Variants in PRKG1 observed in about 807,000 individuals in gnomAD.
PRKG1 encodes protein kinase cGMP-dependent 1.
A neutral mutation model predicts 88.1 loss-of-function variants in PRKG1; 35 were observed. The observed-to-expected ratio is 0.40, with a 90% CI of 0.30 to 0.53. The LOEUF is 0.53. Among genes scored for constraint, PRKG1 ranks in the 20% least tolerant of loss-of-function variants. PRKG1 has a pLI of 0.59. For synonymous variants in PRKG1, 303 were observed against 292.5 expected (o/e 1.04, Z -0.37); for missense variants, 540 against 839.8 (o/e 0.64, Z 4.41).
intron 5 of PRKG1, among the ~76,000 whole-genome samples, chr10:52,053,146 G>A (rs1846030288): frequency 6.6e-6 from 1 of 152,112 alleles, no homozygotes; most frequent in African/African-American, 2.4e-5. Context: ...GTTGTTAAAA[G>A]CATGGAAAGA....
intron 5 of PRKG1, among the ~76,000 whole-genome samples, chr10:51,991,585 C>A (rs147122267): frequency 1.3e-5 from 2 of 152,046 alleles, no homozygotes; most frequent in Non-Finnish European, 2.9e-5. Context: ...CTGGGTCCAA[C>A]GGTTCTCATT....
intron 2 of PRKG1, among the ~76,000 whole-genome samples, chr10:51,296,168 A>G (rs1840715931): frequency 6.6e-6 from 1 of 152,124 alleles, no homozygotes; most frequent in Non-Finnish European, 1.5e-5. Context: ...GGTTTTGATC[A>G]GGATGGTCCT....
chr10:52,139,057 G>C (rs555656178), intron 8 of PRKG1, among the ~76,000 whole-genome samples: 1 of 152,162 alleles, frequency 6.6e-6, no homozygotes, highest in East Asian at 1.9e-4. Context: ...CCAGACTGGA[G>C]CCTAAGTATT....
chr10:51,151,764 A>G (rs1401644197), intron 1 of PRKG1, among the ~76,000 whole-genome samples: 1 of 151,954 alleles, frequency 6.6e-6, no homozygotes, highest in East Asian at 1.9e-4. Flanking sequence ...AATTGTTTTT[A>G]TTTTTATGTG....
At chr10:51,991,255 T>C (rs916991171) in intron 5 of PRKG1, among the ~76,000 whole-genome samples, 2 of 152,148 alleles carry the variant, frequency 1.3e-5, no homozygotes, top group Non-Finnish European at 2.9e-5. Flanking sequence ...GGGTTTTCAA[T>C]ATGTAAGATT....
At chr10:52,075,753 C>T (rs1237384808) in intron 7 of PRKG1, among the ~76,000 whole-genome samples, 1 of 152,178 alleles carries the variant, frequency 6.6e-6, no homozygotes, top group African/African-American at 2.4e-5. Flanking sequence ...TGATTGCCCT[C>T]TCCCTGGCTT....
At chr10:51,712,353 C>G (rs577259649) in intron 3 of PRKG1, among the ~76,000 whole-genome samples, 6 of 152,060 alleles carry the variant, frequency 3.9e-5, no homozygotes, top group Non-Finnish European at 7.4e-5. Context: ...AAAGAAAGGT[C>G]CAGAGAAGGT....
chr10:52,253,685 T>C (rs1841238556), intron 10 of PRKG1, among the ~76,000 whole-genome samples: 1 of 151,884 alleles, frequency 6.6e-6, no homozygotes, highest in Admixed American at 6.6e-5. Flanking sequence ...AGCCTAATTT[T>C]CCTCTCATGG....
At chr10:51,308,008 C>A (rs1841082631) in intron 2 of PRKG1, among the ~76,000 whole-genome samples, 1 of 151,988 alleles carries the variant, frequency 6.6e-6, no homozygotes, top group Admixed American at 6.6e-5. Flanking sequence ...CCTCTTAAAT[C>A]AAATAAAAGT....
intron 3 of PRKG1, among the ~76,000 whole-genome samples, chr10:51,560,700 A>G (rs1030605749): frequency 6.6e-6 from 1 of 152,062 alleles, no homozygotes; most frequent in African/African-American, 2.4e-5. Context: ...AATATTTTAT[A>G]TATAATTAAT....
chr10:51,066,946 T>C (rs573329929), intron 1 of PRKG1, among the ~76,000 whole-genome samples: 5 of 152,208 alleles, frequency 3.3e-5, no homozygotes, highest in African/African-American at 7.2e-5. Flanking sequence ...GACACTCCTC[T>C]TAGAACAACA....
At chr10:51,525,851 A>G (rs1841871189) in intron 3 of PRKG1, among the ~76,000 whole-genome samples, 1 of 150,346 alleles carries the variant, frequency 6.7e-6, no homozygotes. Context: ...TTTGAGATGC[A>G]GTCTCATTCT....
chr10:51,727,050 A>T (rs1272425689), intron 3 of PRKG1, among the ~76,000 whole-genome samples: 1 of 151,984 alleles, frequency 6.6e-6, no homozygotes, highest in Admixed American at 6.6e-5. Context: ...AAGTGCTGGG[A>T]TTACAGGTAT....
chr10:51,948,547 TGC>T (rs201088206), intron 5 of PRKG1, among the ~76,000 whole-genome samples: 10,434 of 68,904 alleles, frequency 0.15, 957 homozygotes, highest in African/African-American at 0.45. Flanking sequence ...TGTGTGTGTG[TGC>T]GTGTGTGTGT....
At chr10:52,250,358 A>C (rs1841141339) in intron 9 of PRKG1, among the ~76,000 whole-genome samples, 1 of 152,212 alleles carries the variant, frequency 6.6e-6, no homozygotes, top group South Asian at 2.1e-4. Flanking sequence ...TAGAAATGTG[A>C]TTGTAAATTG....
chr10:51,974,028 A>C (rs527580858), intron 5 of PRKG1, among the ~76,000 whole-genome samples: 1 of 152,314 alleles, frequency 6.6e-6, no homozygotes, highest in South Asian at 2.1e-4. Flanking sequence ...TCATTTCCAC[A>C]TTGTCCATCA....
intron 2 of PRKG1, among the ~76,000 whole-genome samples, chr10:51,342,712 A>G (rs1842028304): frequency 6.6e-6 from 1 of 152,220 alleles, no homozygotes; most frequent in South Asian, 2.1e-4. Flanking sequence ...AAGTATTTCA[A>G]ATACCATTAC....
intron 3 of PRKG1, among the ~76,000 whole-genome samples, chr10:51,602,771 TG>T (rs1838647490): frequency 7.5e-6 from 1 of 133,640 alleles, no homozygotes; most frequent in Non-Finnish European, 1.5e-5. Flanking sequence ...TGTGTGTGTG[TG>T]TGTGTGTGTA....
At chr10:51,010,487 C>T (rs945838576) in intron 1 of PRKG1, among the ~76,000 whole-genome samples, 1 of 152,212 alleles carries the variant, frequency 6.6e-6, no homozygotes, top group Non-Finnish European at 1.5e-5. Context: ...AACCCATCTG[C>T]ACACATAATT....
Sources: gnomAD v4.1 joint callset for allele counts (sites outside exome capture counted in the v4.1 genomes callset) on GRCh38, gnomAD v4.1.1 for gene constraint, MANE v1.5 for transcripts, NCBI Gene and HGNC (gene_info 2026-07-23, HGNC 2026-07-21) for gene names.